The following LRP1B variants were observed in gnomAD, a reference collection of about 807,000 sequenced individuals.
The protein encoded by LRP1B is LDL receptor related protein 1B, also known as low-density lipoprotein receptor-related protein 1B.
In LRP1B, 217 loss-of-function variants were observed where a neutral mutation model predicts 556.6. The observed-to-expected ratio is 0.39, with a 90% confidence interval of 0.35 to 0.44. The LOEUF is 0.44. Among genes scored for constraint, LRP1B ranks in the 20% least tolerant of loss-of-function variants. LRP1B has a pLI of 1.00. For synonymous variants in LRP1B, 2,047 were observed against 1,865.8 expected (o/e 1.10, Z -2.50); for missense variants, 5,053 against 5,620.8 (o/e 0.90, Z 3.23).
In LRP1B at chr2:141,064,670, G is replaced by A. The variant is rs113810937; in HGVS notation, c.1014-2397C>T. Reference sequence around the variant, plus strand: ...AAGTTGCAGCTATTGAGTGCCTATAGTCACATGATGATATAAATGTTTATT... The same window carrying A: ...AAGTTGCAGCTATTGAGTGCCTATAATCACATGATGATATAAATGTTTATT... On this transcript the variant is annotated intron_variant, in intron 7 of 90. Coordinates refer to ENST00000389484, the MANE Select transcript of LRP1B (RefSeq NM_018557.3). Among the ~76,000 whole-genome samples, 1,168 of 152,030 alleles carry A rather than the reference G, an allele frequency of 7.7e-3. 6 individuals are homozygous for A. The highest frequency in any genetic ancestry group is 0.041 in the Middle Eastern group (12 of 294).
chr2:141,363,995 G>T (rs1257196005), intron 3 of LRP1B, among the ~76,000 whole-genome samples: 2 of 151,892 alleles, frequency 1.3e-5, no homozygotes, highest in Non-Finnish European at 2.9e-5. Context: ...AATTTCTAGG[G>T]TTTTATGGAT....
chr2:140,442,374 A>G, intron 66 of LRP1B, 130 bp downstream of exon 66: 1 of 1,181,030 alleles, frequency 8.5e-7, no homozygotes, highest in Non-Finnish European at 1.2e-6. Flanking sequence ...GAATCTGTGA[A>G]CACAGAGACA....
intron 2 of LRP1B, among the ~76,000 whole-genome samples, chr2:141,608,095 A>G (rs947461436): frequency 2.0e-5 from 3 of 151,992 alleles, no homozygotes; most frequent in Non-Finnish European, 4.4e-5. Context: ...GTGGTGGTGC[A>G]TGCCTGTAAT....
chr2:140,922,835 A>G (rs927075576), intron 21 of LRP1B, 130 bp downstream of exon 21: 5 of 667,240 alleles, frequency 7.5e-6, no homozygotes, highest in Non-Finnish European at 1.3e-5. Context: ...AACTACTATT[A>G]TTATACATGA....
chr2:140,534,758 C>T (rs900125447), intron 46 of LRP1B, among the ~76,000 whole-genome samples: 14 of 152,114 alleles, frequency 9.2e-5, no homozygotes, highest in African/African-American at 2.4e-4. Flanking sequence ...ATAGCTGCCA[C>T]GTATTAAATG....
chr2:141,835,504 G>A (rs1007387045), intron 1 of LRP1B, among the ~76,000 whole-genome samples: 3 of 151,192 alleles, frequency 2.0e-5, no homozygotes, highest in Non-Finnish European at 4.4e-5. Flanking sequence ...TGGGGGGAGG[G>A]GAGGGAAGGT....
chr2:141,988,546 T>C (rs1172784863), intron 1 of LRP1B, among the ~76,000 whole-genome samples: 1 of 152,052 alleles, frequency 6.6e-6, no homozygotes. Flanking sequence ...AATATGTATG[T>C]AATTGGTTAT....
chr2:140,465,364 G>C (rs1687501505), intron 60 of LRP1B, among the ~76,000 whole-genome samples: 1 of 152,136 alleles, frequency 6.6e-6, no homozygotes, highest in Non-Finnish European at 1.5e-5. Context: ...CAGTGTTCTA[G>C]GTAGTCCCAG....
At chr2:140,802,873 AT>A (rs1271698091) in intron 32 of LRP1B, among the ~76,000 whole-genome samples, 1 of 152,172 alleles carries the variant, frequency 6.6e-6, no homozygotes, top group East Asian at 1.9e-4. Context: ...TTTTAGCAGA[AT>A]GGAAAGAGAG....
At chr2:140,350,152 AAC>A (rs1319987266) in intron 77 of LRP1B, among the ~76,000 whole-genome samples, 2 of 152,078 alleles carry the variant, frequency 1.3e-5, no homozygotes, top group African/African-American at 4.8e-5. Context: ...AAAAATATAA[AAC>A]ACACAATAAC....
intron 4 of LRP1B, among the ~76,000 whole-genome samples, chr2:141,254,166 C>T (rs416316): frequency 0.21 from 32,320 of 151,880 alleles, 3,525 homozygotes; most frequent in South Asian, 0.26. Flanking sequence ...ACATGATTAG[C>T]AATTATTAAC....
At chr2:141,962,050 TAGA>T (rs1173742981) in intron 1 of LRP1B, among the ~76,000 whole-genome samples, 6 of 151,786 alleles carry the variant, frequency 4.0e-5, no homozygotes, top group Non-Finnish European at 8.8e-5. Context: ...GTAACTTCCT[TAGA>T]AGCAGGTAAA....
intron 2 of LRP1B, among the ~76,000 whole-genome samples, chr2:141,743,141 G>T (rs773531639): frequency 1.3e-5 from 2 of 152,014 alleles, no homozygotes; most frequent in South Asian, 2.1e-4. Context: ...TTGTTATCAT[G>T]AAGGGATGTT....
chr2:141,608,672 A>G (rs1688003051), intron 2 of LRP1B, among the ~76,000 whole-genome samples: 1 of 152,186 alleles, frequency 6.6e-6, no homozygotes, highest in African/African-American at 2.4e-5. Flanking sequence ...TTATGGAAAA[A>G]ATATATAGGC....
At chr2:141,675,679 G>GTGTATATATATATATATATA (rs1553446605) in intron 2 of LRP1B, among the ~76,000 whole-genome samples, 77 of 12,516 alleles carry the variant, frequency 6.2e-3, no homozygotes, top group African/African-American at 0.012. Context: ...AATTTATTTG[G>GTGTATATATATATATATATA]TATATATATA....
intron 1 of LRP1B, among the ~76,000 whole-genome samples, chr2:141,828,484 G>C (rs570927664): frequency 6.6e-6 from 1 of 152,098 alleles, no homozygotes; most frequent in African/African-American, 2.4e-5. Flanking sequence ...TAGATGTTAC[G>C]AGAATAGATA....
chr2:140,281,390 T>G (rs1369979692), intron 84 of LRP1B, among the ~76,000 whole-genome samples: 1 of 151,832 alleles, frequency 6.6e-6, no homozygotes, highest in Non-Finnish European at 1.5e-5. Flanking sequence ...TAATAATTAG[T>G]GAAGTGTGAA....
At chr2:141,977,405 C>G (rs900812385) in intron 1 of LRP1B, among the ~76,000 whole-genome samples, 1 of 152,026 alleles carries the variant, frequency 6.6e-6, no homozygotes, top group Non-Finnish European at 1.5e-5. Flanking sequence ...ATCCCTGTCT[C>G]TACTAAAAAT....
At chr2:140,568,268 G>A (rs1296104909) in intron 43 of LRP1B, among the ~76,000 whole-genome samples, 4 of 144,656 alleles carry the variant, frequency 2.8e-5, no homozygotes, top group African/African-American at 1.0e-4. Flanking sequence ...AAATGGATTA[G>A]AATTTTAATA....
Sources: gnomAD v4.1 joint callset for allele counts (sites outside exome capture counted in the v4.1 genomes callset) on GRCh38, gnomAD v4.1.1 for gene constraint, MANE v1.5 for transcripts, NCBI Gene and HGNC (gene_info 2026-07-23, HGNC 2026-07-21) for gene names.